The following BTBD10 variants were observed in gnomAD, a reference collection of about 807,000 sequenced individuals.
BTBD10 encodes BTB/POZ domain-containing protein 10.
BTBD10 carries 21 observed loss-of-function variants against 53.2 expected under a neutral mutation model. The ratio of observed to expected loss-of-function variants is 0.39; its 90% CI spans 0.28 to 0.57. The LOEUF (loss-of-function observed/expected upper bound fraction) is 0.57, where lower values mean the gene tolerates loss of function less well. Among genes scored for constraint, BTBD10 ranks in the 20% least tolerant of loss-of-function variants. BTBD10 has a pLI of 0.53. For missense variants in BTBD10, 360 were observed against 594.7 expected (o/e 0.61, Z 4.10); for synonymous variants, 149 against 192.7 (o/e 0.77, Z 1.88).
Position 13,419,700 on chromosome 11 carries a change from G to A in BTBD10, c.344C>T (p.Pro115Leu). The change falls in exon 4 of 9, where the codon CCT becomes CTT. Residue 115 changes from proline (P) to leucine (L), a missense_variant. By Grantham distance (98) the Pro-to-Leu change is moderately conservative. This residue lies in a region of BTBD10 where 109 missense variants were observed against 118.6 expected (regional missense o/e 0.92). Transcript: ENST00000278174. ...HSSSRPSSPR[P>L]QKASPNGSIS... ...GGAACCATTTGGGGATGCTTTTTGA[G>A]GACGCGGACTGCTTGGACGAGAGGA... is the stretch of plus-strand genomic sequence containing the variant. 2 of 1,612,844 alleles carry A rather than the reference G, an allele frequency of 1.2e-6. No individual in the cohort carries two copies. Among genetic ancestry groups the A allele is most frequent in the Non-Finnish European group, 1.7e-6 (2 of 1,179,474 alleles).
At chr11:13,440,273 A>G (rs1294338844) in intron 2 of BTBD10, 4 of 1,207,638 alleles carry the variant, frequency 3.3e-6, no homozygotes, top group Admixed American at 3.8e-5. Flanking sequence ...ACAAAACAGC[A>G]TCGTGTGAGC....
chr11:13,389,151 AG>A lies in BTBD10; in HGVS notation c.1118-11del. ...TTGTAGGTAGGATAACCTGAAAGAAAGAAAGATTTTAAAAACTGAGGAGACA... is the reference window on the plus strand; with the variant it reads ...TTGTAGGTAGGATAACCTGAAAGAAAAAAGATTTTAAAAACTGAGGAGACA... On this transcript the variant is annotated splice_polypyrimidine_tract_variant and intron_variant, in intron 8 of 8. Coordinates refer to ENST00000278174, the MANE Select transcript of BTBD10 (RefSeq NM_032320.7). The A allele has an allele frequency of 6.3e-7, 1 of 1,598,260 alleles. No individual in the cohort carries two copies. The highest frequency in any genetic ancestry group is 1.1e-5 in the South Asian group (1 of 89,058).
At position 13,388,367 on chromosome 11, in the gene BTBD10, C is replaced by T. The variant is rs1220199573; in HGVS notation, c.*464G>A. 2 of 156,258 alleles carry T rather than the reference C, an allele frequency of 1.3e-5. No homozygotes were observed. The highest frequency in any genetic ancestry group is 6.2e-5 in the Admixed American group (1 of 16,192). 9.7% of individuals were successfully genotyped at this position (156,258 alleles called of 1,614,324 possible). ...CTATACAAATTGTACTGGAGGAATA[C>T]TTTGACAGAAGCACTTAAATTATAT... is the stretch of plus-strand genomic sequence containing the variant. On this transcript the variant is annotated 3_prime_UTR_variant, in exon 9 of 9. Transcript: ENST00000278174.
intron 1 of BTBD10, among the ~76,000 whole-genome samples, chr11:13,447,917 G>A (rs2134039733): frequency 6.6e-6 from 1 of 152,120 alleles, no homozygotes; most frequent in East Asian, 1.9e-4. Flanking sequence ...TTATGTTTGT[G>A]TAAAATACAC....
At chr11:13,457,997 G>A (rs1951007269) in intron 1 of BTBD10, among the ~76,000 whole-genome samples, 1 of 151,908 alleles carries the variant, frequency 6.6e-6, no homozygotes, top group Admixed American at 6.6e-5. Context: ...TCATAAAACA[G>A]TTTCAAAATT....
chr11:13,392,681 A>G (rs1033966017), intron 8 of BTBD10, among the ~76,000 whole-genome samples: 1 of 152,158 alleles, frequency 6.6e-6, no homozygotes, highest in Non-Finnish European at 1.5e-5. Context: ...CAGTGATAAG[A>G]GCCAGTCCTA....
rs1162241407 is a variant in BTBD10 at position 13,443,249 on chromosome 11, C to CA, written c.101+1774dup. 2.6e-3 allele frequency among the ~76,000 whole-genome samples: 320 copies of CA among 123,178 alleles called. 1 individual carries two copies. Among genetic ancestry groups the CA allele is most frequent in the Middle Eastern group, 7.6e-3 (2 of 262 alleles). 80.8% of individuals were successfully genotyped at this position (123,178 alleles called of 152,430 possible). A position where few individuals can be genotyped will look rare whatever the true frequency, so the allele number is the denominator to read the frequency against. On this transcript the variant is annotated intron_variant, in intron 2 of 8. Coordinates refer to ENST00000278174, the MANE Select transcript of BTBD10 (RefSeq NM_032320.7). Reference sequence around the variant, plus strand: ...AGCCTGACAGAGTGAGAACCCATTTCAAAAAAAAAAAAGAATAAAAACAGC... The same window carrying CA: ...AGCCTGACAGAGTGAGAACCCATTTCAAAAAAAAAAAAAGAATAAAAACAGC...
At chr11:13,405,387 T>C (rs112357186) in intron 7 of BTBD10, 228 of 270,490 alleles carry the variant, frequency 8.4e-4, no homozygotes, top group African/African-American at 4.6e-3. Context: ...TAACTAACCA[T>C]GTGTATATGG....
At chr11:13,415,521 C>A (rs1016526867) in intron 5 of BTBD10, among the ~76,000 whole-genome samples, 1 of 151,626 alleles carries the variant, frequency 6.6e-6, no homozygotes, top group Admixed American at 6.6e-5. Flanking sequence ...CCAGTAAATA[C>A]AAAGGGCTGT....
intron 8 of BTBD10, among the ~76,000 whole-genome samples, chr11:13,396,264 A>C (rs1273299586): frequency 6.6e-6 from 1 of 152,086 alleles, no homozygotes; most frequent in Admixed American, 6.6e-5. Flanking sequence ...CATCCCTTGT[A>C]AGTTGGATTC....
At chr11:13,426,021 A>T (rs1950331285) in intron 2 of BTBD10, among the ~76,000 whole-genome samples, 1 of 152,170 alleles carries the variant, frequency 6.6e-6, no homozygotes, top group Non-Finnish European at 1.5e-5. Context: ...AAACAGCATG[A>T]GTAAGCTGCA....
intron 1 of BTBD10, among the ~76,000 whole-genome samples, chr11:13,460,287 G>C (rs919271796): frequency 1.3e-5 from 2 of 151,938 alleles, no homozygotes; most frequent in African/African-American, 4.8e-5. Flanking sequence ...TACACAAATG[G>C]GTACTTAATC....
intron 1 of BTBD10, among the ~76,000 whole-genome samples, chr11:13,451,991 G>A (rs1196503382): frequency 6.6e-6 from 1 of 152,000 alleles, no homozygotes; most frequent in Non-Finnish European, 1.5e-5. Context: ...GGGTACAATG[G>A]CATATGGAGA....
At chr11:13,391,712 A>G (rs987422701) in intron 8 of BTBD10, among the ~76,000 whole-genome samples, 2 of 152,222 alleles carry the variant, frequency 1.3e-5, no homozygotes, top group African/African-American at 4.8e-5. Flanking sequence ...TTGGGAGGCC[A>G]AGGCAGGCGG....
At chr11:13,400,223 T>A (rs1448947676) in intron 8 of BTBD10, among the ~76,000 whole-genome samples, 2 of 152,256 alleles carry the variant, frequency 1.3e-5, no homozygotes, top group East Asian at 3.9e-4. Context: ...CCGATTTGTT[T>A]ACCTACTTAA....
At chr11:13,407,528 A>G (rs893324336) in intron 6 of BTBD10, among the ~76,000 whole-genome samples, 1 of 152,242 alleles carries the variant, frequency 6.6e-6, no homozygotes, top group African/African-American at 2.4e-5. Context: ...CTTAAATGTT[A>G]GTATACTAAA....
At chr11:13,451,871 G>T (rs1950866386) in intron 1 of BTBD10, among the ~76,000 whole-genome samples, 2 of 152,116 alleles carry the variant, frequency 1.3e-5, no homozygotes, top group South Asian at 4.1e-4. Context: ...GAAGAGCACT[G>T]TCTTGACGAC....
chr11:13,419,119 G>A (rs1315157381), intron 4 of BTBD10, among the ~76,000 whole-genome samples: 1 of 151,784 alleles, frequency 6.6e-6, no homozygotes, highest in Non-Finnish European at 1.5e-5. Context: ...CCAAGTGCAG[G>A]AAACATATTA....
At chr11:13,400,530 G>T (rs894207924) in intron 8 of BTBD10, among the ~76,000 whole-genome samples, 1 of 152,162 alleles carries the variant, frequency 6.6e-6, no homozygotes, top group Admixed American at 6.5e-5. Context: ...TTCGGCTCAC[G>T]CACGGTGCGC....
Sources: allele counts gnomAD v4.1 joint callset (sites outside exome capture counted in the v4.1 genomes callset), GRCh38; gene constraint gnomAD v4.1.1; regional missense constraint gnomAD v4.1.1; transcripts MANE v1.5; gene names NCBI Gene and HGNC (gene_info 2026-07-23, HGNC 2026-07-21).